C12orf42: variants seen among roughly 807,000 people sequenced by gnomAD.
The protein encoded by C12orf42 is chromosome 12 open reading frame 42, also known as uncharacterized protein C12orf42.
A neutral mutation model predicts 21.6 loss-of-function variants in C12orf42; 25 were observed. That is an observed-to-expected ratio of 1.16 (90% CI 0.84 to 1.62). C12orf42 has a LOEUF of 1.62. Ranked by LOEUF, C12orf42 falls within the 40% of genes most tolerant of loss-of-function variation. The pLI, the probability that C12orf42 is intolerant of heterozygous loss-of-function variation, is 0.00. For synonymous variants in C12orf42, 174 were observed against 175.0 expected, an observed-to-expected ratio of 0.99 and a Z score of 0.05; for missense variants, 483 against 459.3, an observed-to-expected ratio of 1.05 and a Z score of -0.47.
the C12orf42 span, among the ~76,000 whole-genome samples, chr12:103,213,452 G>C: frequency 6.6e-6 from 1 of 152,170 alleles, no homozygotes; most frequent in Non-Finnish European, 1.5e-5. Flanking sequence ...CTCTAGAAGG[G>C]CTTGAATTAA....
the C12orf42 span, among the ~76,000 whole-genome samples, chr12:103,501,491 G>A: frequency 6.6e-6 from 1 of 152,308 alleles, no homozygotes; most frequent in African/African-American, 2.4e-5. Flanking sequence ...CGCAGAGTTG[G>A]GAAAAGATGT....
rs66878531 is a variant in C12orf42, at chr12:103,399,514, G to A, written c.147+2093C>T. On this transcript the variant is annotated intron_variant, in intron 3 of 5. Transcript: ENST00000548883. ...CAGCAAACTCAAAAAAAAAAAAAAA[G>A]AAGAAGAAGAAAGGCCTTCCATGAC... is the stretch of plus-strand genomic sequence containing the variant. Among the ~76,000 whole-genome samples the A allele has an allele frequency of 4.0e-3, 100 of 25,084 alleles. 1 individual carries two copies. Among genetic ancestry groups the A allele is most frequent in the Admixed American group, 0.01 (13 of 1,296 alleles). The allele number at this position is 25,084 out of a possible 152,430, so 16.5% of individuals were successfully genotyped here. A position where few individuals can be genotyped will look rare whatever the true frequency, so the allele number is the denominator to read the frequency against.
chr12:103,115,688 C>T, the C12orf42 span, among the ~76,000 whole-genome samples: 10 of 152,166 alleles, frequency 6.6e-5, no homozygotes, highest in African/African-American at 9.7e-5. Flanking sequence ...CATTTAAGAA[C>T]ATAGATATTT....
intron 2 of C12orf42, among the ~76,000 whole-genome samples, chr12:103,432,797 G>A (rs1256283466): frequency 6.6e-6 from 1 of 152,196 alleles, no homozygotes; most frequent in Non-Finnish European, 1.5e-5. Context: ...GGATGACCAT[G>A]TGAGGGCACA....
intron 3 of C12orf42, 21 bp from the exon 4 acceptor site, chr12:103,369,019 A>G (rs535845420): frequency 3.6e-6 from 5 of 1,395,750 alleles, no homozygotes; most frequent in Admixed American, 2.1e-5. Context: ...GAGGAGAAAA[A>G]TACACACAAA....
chr12:103,505,047 G>T, the C12orf42 span: 3 of 294,782 alleles, frequency 1.0e-5, no homozygotes, highest in Non-Finnish European at 2.2e-5. Context: ...CGGATGGAGT[G>T]GGAAGTGAGA....
At chr12:103,510,514 A>C in the C12orf42 span, among the ~76,000 whole-genome samples, 1 of 152,110 alleles carries the variant, frequency 6.6e-6, no homozygotes, top group African/African-American at 2.4e-5. Flanking sequence ...AGAAATAAAA[A>C]ATTATAAAAC....
At chr12:103,552,254 C>G in the C12orf42 span, among the ~76,000 whole-genome samples, 1 of 152,158 alleles carries the variant, frequency 6.6e-6, no homozygotes, top group Non-Finnish European at 1.5e-5. Flanking sequence ...CTATCTGTAG[C>G]CTCTCCAGCT....
chr12:103,335,135 C>G (rs886149401), intron 4 of C12orf42, among the ~76,000 whole-genome samples: 1 of 152,202 alleles, frequency 6.6e-6, no homozygotes, highest in African/African-American at 2.4e-5. Context: ...AACAAAACAT[C>G]TTTAATCTTC....
chr12:103,180,724 G>A, the C12orf42 span, among the ~76,000 whole-genome samples: 1 of 144,708 alleles, frequency 6.9e-6, no homozygotes, highest in Non-Finnish European at 1.5e-5. Context: ...CACCTCCTGG[G>A]TTCAAGCGAT....
At chr12:103,131,819 G>T in the C12orf42 span, among the ~76,000 whole-genome samples, 1 of 152,120 alleles carries the variant, frequency 6.6e-6, no homozygotes. Context: ...GGGTAAGAGT[G>T]ATGTTAGTGC....
At chr12:103,386,513 G>A (rs1033250644) in intron 3 of C12orf42, among the ~76,000 whole-genome samples, 1 of 152,094 alleles carries the variant, frequency 6.6e-6, no homozygotes, top group African/African-American at 2.4e-5. Context: ...ATGGGAAAAC[G>A]AATGACTCTG....
At chr12:103,284,330 G>GA (rs1012050157) in intron 4 of C12orf42, among the ~76,000 whole-genome samples, 1 of 151,654 alleles carries the variant, frequency 6.6e-6, no homozygotes, top group Middle Eastern at 3.2e-3. Context: ...AATTGTTGGG[G>GA]AAAAAAAAGC....
At chr12:103,548,102 G>T in the C12orf42 span, among the ~76,000 whole-genome samples, 1 of 152,300 alleles carries the variant, frequency 6.6e-6, no homozygotes, top group East Asian at 1.9e-4. Context: ...CTCTGGCCTG[G>T]GGCCTGCGTC....
chr12:103,249,365 T>G (rs2034167123), intron 10 of C12orf42, among the ~76,000 whole-genome samples: 1 of 151,638 alleles, frequency 6.6e-6, no homozygotes. Context: ...TAACAGAAAA[T>G]AAATAAAGCT....
chr12:103,050,860 T>C, the C12orf42 span, among the ~76,000 whole-genome samples: 1 of 152,218 alleles, frequency 6.6e-6, no homozygotes, highest in Non-Finnish European at 1.5e-5. Flanking sequence ...GTGAATTTTT[T>C]CAGCTTTCAA....
intron 2 of C12orf42, among the ~76,000 whole-genome samples, chr12:103,418,691 G>A (rs765218229): frequency 6.6e-6 from 1 of 152,026 alleles, no homozygotes; most frequent in Non-Finnish European, 1.5e-5. Flanking sequence ...AGCAGCTACT[G>A]TGATACAGGA....
chr12:103,375,174 C>T (rs911101967), intron 3 of C12orf42, among the ~76,000 whole-genome samples: 3 of 151,976 alleles, frequency 2.0e-5, no homozygotes, highest in African/African-American at 7.3e-5. Flanking sequence ...TCTTGTAAGA[C>T]TTGAAAATTA....
intron 2 of C12orf42, among the ~76,000 whole-genome samples, chr12:103,473,963 A>G (rs1347418648): frequency 6.6e-6 from 1 of 152,144 alleles, no homozygotes; most frequent in Non-Finnish European, 1.5e-5. Flanking sequence ...TTTTCTTAAT[A>G]CTCAGATTAG....
Sources: gnomAD v4.1 joint callset for allele counts (sites outside exome capture counted in the v4.1 genomes callset) on GRCh38, gnomAD v4.1.1 for gene constraint, MANE v1.5 for transcripts, NCBI Gene and HGNC (gene_info 2026-07-23, HGNC 2026-07-21) for gene names.